The following DSCAML1 variants were observed in gnomAD, a reference collection of about 807,000 sequenced individuals.
DSCAML1 encodes the protein cell adhesion molecule DSCAML1.
In DSCAML1, 38 loss-of-function variants were observed where a neutral mutation model predicts 200.5. The ratio of observed to expected loss-of-function variants is 0.19; its 90% CI spans 0.15 to 0.25. DSCAML1 has a LOEUF of 0.25. DSCAML1 is among the 10% of genes least tolerant of loss of function. The probability of loss-of-function intolerance (pLI) is 1.00; values close to 1 mark genes in which losing one functional copy is unlikely to be tolerated. For missense variants in DSCAML1, 2,223 were observed against 2,858.8 expected, an observed-to-expected ratio of 0.78 and a Z score of 5.07; for synonymous variants, 1,215 against 1,165.0, an observed-to-expected ratio of 1.04 and a Z score of -0.87.
intron 1 of DSCAML1, among the ~76,000 whole-genome samples, chr11:117,816,098 G>C (rs1273957379): frequency 6.6e-6 from 1 of 152,138 alleles, no homozygotes; most frequent in Non-Finnish European, 1.5e-5. Context: ...GTTCTAAACA[G>C]GATTTCTTCC....
chr11:117,448,188 G>A (rs1037686517), intron 20 of DSCAML1, among the ~76,000 whole-genome samples: 7 of 152,214 alleles, frequency 4.6e-5, no homozygotes, highest in African/African-American at 7.2e-5. Flanking sequence ...GTGAGGAGGC[G>A]TGGCTCCCGG....
At chr11:117,460,233 A>G (rs904381491) in intron 18 of DSCAML1, among the ~76,000 whole-genome samples, 12 of 152,220 alleles carry the variant, frequency 7.9e-5, no homozygotes, top group African/African-American at 2.9e-4. Context: ...GTGGCCTGAC[A>G]CTGCACAGCA....
chr11:117,577,394 TC>T (rs2050951199), intron 3 of DSCAML1, among the ~76,000 whole-genome samples: 4 of 132,920 alleles, frequency 3.0e-5, no homozygotes, highest in Middle Eastern at 7.8e-3. Flanking sequence ...CCTTCCTCCC[TC>T]CCTCCCTCCC....
At chr11:117,565,184 A>T (rs747130869) in intron 3 of DSCAML1, among the ~76,000 whole-genome samples, 12 of 152,152 alleles carry the variant, frequency 7.9e-5, no homozygotes, top group Non-Finnish European at 2.9e-5. Flanking sequence ...TTCTGTTTTA[A>T]AAATCAATGT....
chr11:117,448,687 T>G (rs773639900), intron 20 of DSCAML1, among the ~76,000 whole-genome samples: 6 of 151,928 alleles, frequency 3.9e-5, no homozygotes, highest in Non-Finnish European at 8.8e-5. Context: ...GCAGGACACA[T>G]GGCTGAAAGC....
intron 1 of DSCAML1, among the ~76,000 whole-genome samples, chr11:117,807,869 T>C (rs1315354819): frequency 6.6e-6 from 1 of 152,194 alleles, no homozygotes; most frequent in Non-Finnish European, 1.5e-5. Flanking sequence ...TCACCCAGGC[T>C]AGAGTGCAAA....
intron 3 of DSCAML1, among the ~76,000 whole-genome samples, chr11:117,673,764 C>A (rs915278386): frequency 6.6e-6 from 1 of 152,220 alleles, no homozygotes; most frequent in Non-Finnish European, 1.5e-5. Flanking sequence ...TGTTGGTTGG[C>A]CCCAGCTGTG....
At chr11:117,785,513 T>C (rs747993692) in intron 1 of DSCAML1, among the ~76,000 whole-genome samples, 5 of 151,700 alleles carry the variant, frequency 3.3e-5, no homozygotes, top group African/African-American at 7.3e-5. Context: ...TGAAACCAGC[T>C]GGATTGAGGA....
intron 14 of DSCAML1, among the ~76,000 whole-genome samples, chr11:117,479,529 C>T (rs2048864424): frequency 6.6e-6 from 1 of 152,218 alleles, no homozygotes; most frequent in African/African-American, 2.4e-5. Context: ...GCCACCTGAC[C>T]ATGGGACTTA....
At chr11:117,653,251 CCA>C (rs1370109193) in intron 3 of DSCAML1, among the ~76,000 whole-genome samples, 3 of 152,136 alleles carry the variant, frequency 2.0e-5, no homozygotes, top group Non-Finnish European at 4.4e-5. Flanking sequence ...TCGCCATGAG[CCA>C]CAGTCCCCTT....
At position 117,687,426 on chromosome 11, in the gene DSCAML1, A is replaced by ATTTTTTTTTTTTTTT. The variant is rs71037492; in HGVS notation, c.511+89350_511+89364dup. On this transcript the variant is annotated intron_variant, in intron 3 of 32. Coordinates refer to ENST00000651296, the MANE Select transcript of DSCAML1 (RefSeq NM_020693.4). ...CAGGTGTGCTCCACCATGCCTGGCT[A>ATTTTTTTTTTTTTTT]TTTTTTTTTTTTTTTTTTTTTTAGA... 1.3e-4 allele frequency among the ~76,000 whole-genome samples: 13 copies of ATTTTTTTTTTTTTTT among 97,646 alleles called. No homozygotes were observed. In the East Asian group the frequency reaches 1.5e-3, roughly 11 times the overall value. The allele number at this position is 97,646 out of a possible 152,430, so 64.1% of individuals were successfully genotyped here. A position where few individuals can be genotyped will look rare whatever the true frequency, so the allele number is the denominator to read the frequency against.
Position 117,550,989 on chromosome 11 carries a change from A to C in DSCAML1, c.512-18467T>G, listed in dbSNP as rs2050457955. On this transcript the variant is annotated intron_variant, in intron 3 of 32. Transcript: ENST00000651296. The stretch of plus-strand genomic sequence containing the variant: ...GATTATGCGGGACATGGCCTTTCTC[A>C]GGATGCCCCTTTTCTCTGTCCTCAG... 3.3e-5 allele frequency among the ~76,000 whole-genome samples: 5 copies of C among 152,244 alleles called. No homozygotes were observed. In the South Asian group the frequency reaches 1.0e-3, roughly 32 times the overall value.
intron 1 of DSCAML1, chr11:117,817,305 G>A (rs2055819254): frequency 6.6e-6 from 1 of 152,442 alleles, no homozygotes; most frequent in Non-Finnish European, 1.5e-5. Flanking sequence ...CCTCTCCCCA[G>A]ATGGTGAAAC....
chr11:117,658,983 C>T (rs1362248941), intron 3 of DSCAML1, among the ~76,000 whole-genome samples: 2 of 152,076 alleles, frequency 1.3e-5, no homozygotes, highest in Non-Finnish European at 2.9e-5. Context: ...GGTGCACCAG[C>T]CTATTATTAT....
rs200603907 is a variant in DSCAML1, at chr11:117,720,819, CATA to C, written c.511+55969_511+55971del. Reference sequence around the variant, plus strand: ...AAAGTGCTTAGCACAGTACCTGACACATAATAAGTGCTTAATAAATGGCAGCTT... The same window carrying C: ...AAAGTGCTTAGCACAGTACCTGACACATAAGTGCTTAATAAATGGCAGCTT... On this transcript the variant is annotated intron_variant, in intron 3 of 32. Coordinates refer to ENST00000651296, the MANE Select transcript of DSCAML1 (RefSeq NM_020693.4). 6.9e-3 allele frequency among the ~76,000 whole-genome samples: 1,048 copies of C among 152,340 alleles called. 12 individuals are homozygous for C. The highest frequency in any genetic ancestry group is 0.024 in the African/African-American group (987 of 41,572).
intron 8 of DSCAML1, among the ~76,000 whole-genome samples, chr11:117,506,842 A>G (rs1025966950): frequency 6.6e-6 from 1 of 152,192 alleles, no homozygotes; most frequent in Non-Finnish European, 1.5e-5. Context: ...CCACCACACC[A>G]GGTCCAGAGA....
At chr11:117,664,393 T>C (rs948011133) in intron 3 of DSCAML1, among the ~76,000 whole-genome samples, 6 of 152,194 alleles carry the variant, frequency 3.9e-5, no homozygotes, top group Admixed American at 3.9e-4. Context: ...GTGGGGACTT[T>C]GAATCCACTC....
chr11:117,443,052 G>A (rs2048100508), intron 21 of DSCAML1, among the ~76,000 whole-genome samples: 1 of 152,308 alleles, frequency 6.6e-6, no homozygotes, highest in South Asian at 2.1e-4. Flanking sequence ...AGCTTGAGTG[G>A]CCCCGGTAGG....
At chr11:117,575,872 CA>C (rs1289749665) in intron 3 of DSCAML1, among the ~76,000 whole-genome samples, 4 of 136,958 alleles carry the variant, frequency 2.9e-5, no homozygotes, top group East Asian at 2.1e-4. Flanking sequence ...CAAAACAAAA[CA>C]AAACAAAACA....
Sources: allele counts gnomAD v4.1 joint callset (sites outside exome capture counted in the v4.1 genomes callset), GRCh38; gene constraint gnomAD v4.1.1; transcripts MANE v1.5; gene names NCBI Gene and HGNC (gene_info 2026-07-23, HGNC 2026-07-21).